The following SOX5 variants were observed in gnomAD, a reference collection of about 807,000 sequenced individuals.
SOX5 encodes SRY-box transcription factor 5, also known as transcription factor SOX-5.
A neutral mutation model predicts 92.0 loss-of-function variants in SOX5; 9 were observed. That is an observed-to-expected ratio of 0.10 (90% CI 0.06 to 0.17). The LOEUF is 0.17. Among genes scored for constraint, SOX5 ranks in the 10% least tolerant of loss-of-function variants. SOX5 has a pLI of 1.00. For missense variants in SOX5, 642 were observed against 944.5 expected, an observed-to-expected ratio of 0.68 and a Z score of 4.20; for synonymous variants, 344 against 336.3, an observed-to-expected ratio of 1.02 and a Z score of -0.25.
chr12:23,846,702 C>T (rs1289069540), intron 2 of SOX5, among the ~76,000 whole-genome samples: 1 of 152,136 alleles, frequency 6.6e-6, no homozygotes, highest in Admixed American at 6.6e-5. Flanking sequence ...CTTGATAATA[C>T]TCTAATAAAG....
At chr12:24,021,160 G>T (rs1267539466) in intron 4 of SOX5, among the ~76,000 whole-genome samples, 1 of 152,106 alleles carries the variant, frequency 6.6e-6, no homozygotes, top group African/African-American at 2.4e-5. Flanking sequence ...TAAACACAAA[G>T]GAAGTGCATG....
At chr12:23,716,183 T>TA (rs1226011231) in intron 6 of SOX5, among the ~76,000 whole-genome samples, 1 of 152,200 alleles carries the variant, frequency 6.6e-6, no homozygotes, top group Non-Finnish European at 1.5e-5. Flanking sequence ...TGTAAAGGTT[T>TA]ATAAAGTAGG....
chr12:23,604,564 G>T (rs1164818925), intron 8 of SOX5, 31 bp from the exon 9 acceptor site: 1 of 1,593,972 alleles, frequency 6.3e-7, no homozygotes, highest in South Asian at 1.1e-5. Flanking sequence ...GAGGGAGAAA[G>T]AATACTGTGA....
intron 2 of SOX5, among the ~76,000 whole-genome samples, chr12:23,894,683 T>G (rs2097160572): frequency 6.6e-6 from 1 of 152,214 alleles, no homozygotes; most frequent in Non-Finnish European, 1.5e-5. Context: ...CTGATTCTTC[T>G]TCTTGATTTA....
rs532474923 is a variant in SOX5, at chr12:23,892,985, C to A, written c.270+2808G>T. 1.1e-4 allele frequency among the ~76,000 whole-genome samples: 16 copies of A among 152,224 alleles called. No individual in the cohort carries two copies. In the South Asian group the frequency reaches 3.3e-3, roughly 32 times the overall value. On this transcript the variant is annotated intron_variant, in intron 2 of 14. Transcript: ENST00000451604. ...GATTGTGCCACTGCATTACAGCCTG[C>A]GTAAACCTGTCTCTAAAAAAATTAA...
At chr12:24,320,268 T>G (rs1325988248) in intron 2 of SOX5, among the ~76,000 whole-genome samples, 1 of 152,262 alleles carries the variant, frequency 6.6e-6, no homozygotes, top group East Asian at 1.9e-4. Flanking sequence ...TCCCTCCTAG[T>G]TAACCCAAAT....
chr12:24,540,461 G>A (rs1297205952), intron 1 of SOX5, among the ~76,000 whole-genome samples: 2 of 152,052 alleles, frequency 1.3e-5, no homozygotes, highest in Non-Finnish European at 2.9e-5. Context: ...TTCTAAGTCT[G>A]TGCACACATA....
At chr12:23,680,325 C>CAAAAAAAAAAA (rs57754255) in intron 6 of SOX5, among the ~76,000 whole-genome samples, 4 of 48,384 alleles carry the variant, frequency 8.3e-5, no homozygotes, top group African/African-American at 1.6e-4. Flanking sequence ...GACCTTGTCT[C>CAAAAAAAAAAA]AAAAAAAAAA....
chr12:23,539,072 C>G (rs954926570), intron 13 of SOX5, among the ~76,000 whole-genome samples: 4 of 151,760 alleles, frequency 2.6e-5, no homozygotes, highest in Non-Finnish European at 5.9e-5. Flanking sequence ...CCCAAAGTGC[C>G]GGGATTACAG....
chr12:23,696,871 T>G (rs1166637275), intron 6 of SOX5, among the ~76,000 whole-genome samples: 1 of 152,214 alleles, frequency 6.6e-6, no homozygotes, highest in East Asian at 1.9e-4. Context: ...TAGAGGTATT[T>G]TATTTAGTTT....
intron 3 of SOX5, among the ~76,000 whole-genome samples, chr12:24,258,506 T>G (rs758824896): frequency 3.9e-5 from 6 of 152,226 alleles, no homozygotes; most frequent in Non-Finnish European, 8.8e-5. Flanking sequence ...ATAATAATAT[T>G]AAAAAGTTAC....
At chr12:24,154,187 C>T (rs1951933331) in intron 4 of SOX5, among the ~76,000 whole-genome samples, 1 of 152,074 alleles carries the variant, frequency 6.6e-6, no homozygotes. Flanking sequence ...TCCTTGAGCT[C>T]TCAAAATATG....
chr12:23,534,213 C>T lies in SOX5; in HGVS notation c.*6G>A. The T allele has an allele frequency of 6.2e-7, 1 of 1,612,138 alleles. No individual in the cohort carries two copies. Among genetic ancestry groups the T allele is most frequent in the Non-Finnish European group, 8.5e-7 (1 of 1,178,582 alleles). On this transcript the variant is annotated 3_prime_UTR_variant, in exon 15 of 15. Transcript: ENST00000451604. ...TCCTAAGGTCACAACAATCTTTTGA[C>T]CCTTATCAGTTGGCTTGTCCTGCAA...
intron 8 of SOX5, among the ~76,000 whole-genome samples, chr12:23,609,149 G>A (rs2075648684): frequency 6.6e-6 from 1 of 152,154 alleles, no homozygotes; most frequent in Admixed American, 6.6e-5. Context: ...GCTAGTTGCT[G>A]CAAGGGAAAT....
At chr12:24,106,822 AATAATAAT>A in intron 4 of SOX5, among the ~76,000 whole-genome samples, 1 of 147,530 alleles carries the variant, frequency 6.8e-6, no homozygotes, top group Non-Finnish European at 1.5e-5. Context: ...TAATAATAAT[AATAATAAT>A]AATAATAATA....
chr12:24,525,304 G>C (rs1425088536), intron 1 of SOX5, among the ~76,000 whole-genome samples: 1 of 152,182 alleles, frequency 6.6e-6, no homozygotes, highest in Non-Finnish European at 1.5e-5. Flanking sequence ...TACTGCATGA[G>C]TTCATGTAAA....
intron 3 of SOX5, among the ~76,000 whole-genome samples, chr12:24,257,415 G>A (rs573689910): frequency 6.6e-6 from 1 of 152,188 alleles, no homozygotes; most frequent in Admixed American, 6.5e-5. Context: ...ATTTCTCTAA[G>A]TCACAAAAAT....
chr12:23,947,867 G>A (rs1368972111), intron 1 of SOX5, among the ~76,000 whole-genome samples: 1 of 151,984 alleles, frequency 6.6e-6, no homozygotes, highest in Admixed American at 6.6e-5. Context: ...GCTACAGCCT[G>A]TTAATATGTA....
At chr12:23,752,671 G>T (rs559638067) in intron 4 of SOX5, among the ~76,000 whole-genome samples, 2 of 151,904 alleles carry the variant, frequency 1.3e-5, no homozygotes, top group Admixed American at 1.3e-4. Flanking sequence ...ACTCTAAAAG[G>T]TATTTCTTCA....
Sources: gnomAD v4.1 joint callset for allele counts (sites outside exome capture counted in the v4.1 genomes callset) on GRCh38, gnomAD v4.1.1 for gene constraint, MANE v1.5 for transcripts, NCBI Gene and HGNC (gene_info 2026-07-23, HGNC 2026-07-21) for gene names.